IFT81: variants seen among roughly 807,000 people sequenced by gnomAD.
IFT81 encodes intraflagellar transport protein 81 homolog.
Under a neutral mutation model 102.6 loss-of-function variants are expected in IFT81, and 72 were observed. The ratio of observed to expected loss-of-function variants is 0.70; its 90% CI spans 0.58 to 0.85. The LOEUF is 0.85. Ranked by LOEUF, IFT81 falls within the 40% of genes least tolerant of loss-of-function variation. The probability of loss-of-function intolerance (pLI) is 0.00; values close to 1 mark genes in which losing one functional copy is unlikely to be tolerated. For synonymous variants in IFT81, 237 were observed against 242.7 expected (o/e 0.98, Z 0.22); for missense variants, 723 against 787.3 (o/e 0.92, Z 0.98).
At chr12:110,139,326 G>C (rs1380336036) in intron 8 of IFT81, among the ~76,000 whole-genome samples, 1 of 129,514 alleles carries the variant, frequency 7.7e-6, no homozygotes, top group African/African-American at 2.9e-5. Context: ...AACAGAGGGA[G>C]ACTCTGTCTC....
At chr12:110,161,172 A>G (rs1460085939) in intron 10 of IFT81, among the ~76,000 whole-genome samples, 6 of 129,202 alleles carry the variant, frequency 4.6e-5, no homozygotes, top group African/African-American at 1.8e-4. Context: ...ATGGAGTCTC[A>G]CTCTGTCACC....
In IFT81 at chr12:110,127,476, GC is replaced by G. The variant is rs766545076; in HGVS notation, c.97del (p.Gln33AsnfsTer34). 1 of 1,610,350 alleles carries G rather than the reference GC, an allele frequency of 6.2e-7. No individual in the cohort carries two copies. The highest frequency in any genetic ancestry group is 8.5e-7 in the Non-Finnish European group (1 of 1,178,540). ...TCACGTTTGATTCCTTGGAGCCAATGCAACTATTACAAGTTCTCAGTGATGT... is the reference window on the plus strand; with the variant it reads ...TCACGTTTGATTCCTTGGAGCCAATGAACTATTACAAGTTCTCAGTGATGT... ...LITFDSLEPM[Q>X]LLQVLSDVLA... On this transcript the variant is annotated frameshift_variant, in exon 2 of 19. Transcript: ENST00000242591. LOFTEE classifies it high-confidence loss of function.
intron 8 of IFT81, 77 bp from the exon 9 acceptor site, chr12:110,143,305 T>G: frequency 1.2e-6 from 1 of 868,848 alleles, no homozygotes; most frequent in Non-Finnish European, 1.5e-6. Flanking sequence ...TATCCAGGTC[T>G]TATATTTAAA....
intron 17 of IFT81, among the ~76,000 whole-genome samples, chr12:110,205,882 C>G (rs533105639): frequency 1.3e-5 from 2 of 152,184 alleles, no homozygotes; most frequent in South Asian, 4.1e-4. Flanking sequence ...TGCTTGCTTA[C>G]TTTTTGATTG....
intron 9 of IFT81, 134 bp downstream of exon 9, chr12:110,143,679 T>C (rs1039659067): frequency 1.6e-6 from 1 of 608,632 alleles, no homozygotes; most frequent in South Asian, 2.6e-5. Flanking sequence ...ACAACTCTTA[T>C]GAGGAATTGT....
At position 110,192,709 on chromosome 12, in the gene IFT81, A is replaced by C. The variant is rs779349001; in HGVS notation, c.1557+3A>C. The C allele has an allele frequency of 2.0e-6, 3 of 1,517,128 alleles. No individual in the cohort carries two copies. Among genetic ancestry groups the C allele is most frequent in the Non-Finnish European group, 2.7e-6 (3 of 1,109,382 alleles). 94.0% of individuals were successfully genotyped at this position (1,517,128 alleles called of 1,614,324 possible). On this transcript the variant is annotated splice_donor_region_variant and intron_variant, in intron 14 of 18. Coordinates refer to ENST00000242591, the MANE Select transcript of IFT81 (RefSeq NM_014055.4). ...GACAGTTGCGTCAAAAATATCAAGTAAGTTTTTGATTTTATCAAGTAATTT... is the reference window on the plus strand; with the variant it reads ...GACAGTTGCGTCAAAAATATCAAGTCAGTTTTTGATTTTATCAAGTAATTT...
chr12:110,210,190 C>A (rs1004380883), intron 18 of IFT81, among the ~76,000 whole-genome samples: 20 of 152,268 alleles, frequency 1.3e-4, no homozygotes, highest in African/African-American at 4.6e-4. Flanking sequence ...GGAAAGATGA[C>A]CAGTCATCAA....
intron 11 of IFT81, among the ~76,000 whole-genome samples, chr12:110,174,708 A>G (rs1262022788): frequency 6.6e-6 from 1 of 152,220 alleles, no homozygotes; most frequent in African/African-American, 2.4e-5. Context: ...ACATTCTTAG[A>G]GAAATAAACT....
intron 8 of IFT81, among the ~76,000 whole-genome samples, chr12:110,142,424 C>G (rs886659191): frequency 6.6e-6 from 1 of 152,134 alleles, no homozygotes; most frequent in Non-Finnish European, 1.5e-5. Context: ...ACCTCGGCCT[C>G]CCAAAGTGCT....
In IFT81 at chr12:110,175,808, T is replaced by TTTTA. The variant is rs200213227; in HGVS notation, c.1189-4594_1189-4591dup. ...TAGGTGTGAAAATGGTATCTCATTG[T>TTTTA]TTTATTTATTTATTTATTTATTTTT... On this transcript the variant is annotated intron_variant, in intron 11 of 18. Coordinates refer to ENST00000242591, the MANE Select transcript of IFT81 (RefSeq NM_014055.4). 9.1e-3 allele frequency among the ~76,000 whole-genome samples: 1,384 copies of TTTTA among 152,236 alleles called. 28 individuals carry two copies. The highest frequency in any genetic ancestry group is 0.032 in the African/African-American group (1,319 of 41,510).
chr12:110,138,019 A>G (rs750002664), intron 8 of IFT81, among the ~76,000 whole-genome samples: 20 of 152,256 alleles, frequency 1.3e-4, no homozygotes, highest in Admixed American at 3.3e-4. Context: ...GCATTTTACA[A>G]AGCATTTTTG....
At chr12:110,212,349 A>T (rs769075293) in intron 18 of IFT81, among the ~76,000 whole-genome samples, 3 of 151,962 alleles carry the variant, frequency 2.0e-5, no homozygotes, top group Non-Finnish European at 2.9e-5. Context: ...GTTTGAGACC[A>T]GTCTGGCCAA....
At chr12:110,202,253 C>T (rs529333842) in intron 14 of IFT81, among the ~76,000 whole-genome samples, 4 of 152,220 alleles carry the variant, frequency 2.6e-5, no homozygotes, top group African/African-American at 7.2e-5. Context: ...ATATGTGGTC[C>T]GTTGTGACTG....
At chr12:110,136,694 AC>A in intron 7 of IFT81, 81 bp from the exon 8 acceptor site, 1 of 687,224 alleles carries the variant, frequency 1.5e-6, no homozygotes, top group South Asian at 2.7e-5. Flanking sequence ...ATTATATGGA[AC>A]TTGTATTTTT....
chr12:110,147,034 C>A lies in IFT81; in HGVS notation c.1027C>A (p.Leu343Met), dbSNP rs544592519. The change falls in exon 10 of 19, where the codon CTG becomes ATG. Residue 343 changes from leucine (L) to methionine (M), a missense_variant. Physicochemically the swap from Leu to Met is conservative, Grantham distance 15 (BLOSUM62 2). Coordinates refer to ENST00000242591, the MANE Select transcript of IFT81 (RefSeq NM_014055.4). ...RNEPIEGKLS[L>M]YRQQASIISR... ...TGAGCCCATTGAAGGCAAACTCTCA[C>A]TGTATAGGCAACAGGTAAGAACATT... 3.1e-6 allele frequency: 5 copies of A among 1,609,152 alleles called. No individual in the cohort carries two copies. The highest frequency in any genetic ancestry group is 4.2e-6 in the Non-Finnish European group (5 of 1,178,072).
chr12:110,162,264 A>G (rs1466349707), intron 10 of IFT81: 2 of 150,184 alleles, frequency 1.3e-5, no homozygotes, highest in African/African-American at 2.4e-5. Context: ...GTTACCTTCT[A>G]TTGACTTGAA....
At chr12:110,158,879 C>T (rs934840738) in intron 10 of IFT81, among the ~76,000 whole-genome samples, 3 of 151,840 alleles carry the variant, frequency 2.0e-5, no homozygotes, top group African/African-American at 4.8e-5. Context: ...TGAGCCACCG[C>T]GCCCGGCCAA....
rs567791365 is a variant in IFT81 at position 110,188,035 on chromosome 12, A to G, written c.1339-2885A>G. ...TGCTACAATCTTTGCTCAGCTCTTT[A>G]ATAACCTATCTGCTCGGCCGGGCGC... On this transcript the variant is annotated intron_variant, in intron 12 of 18. Coordinates refer to ENST00000242591, the MANE Select transcript of IFT81 (RefSeq NM_014055.4). Among the ~76,000 whole-genome samples, 3 of 152,244 alleles carry G rather than the reference A, an allele frequency of 2.0e-5. No individual in the cohort carries two copies. In the East Asian group the frequency reaches 5.8e-4, roughly 29 times the overall value.
Position 110,172,282 on chromosome 12 carries a change from TTGCCTC to T in IFT81, c.1189-8115_1189-8110del, listed in dbSNP as rs1042366244. ...CTGTCTCCACTAAAAATAGAAAAAT[TTGCCTC>T]TGCCTCTGCCTCTGCCTCTGCCTCC... On this transcript the variant is annotated intron_variant, in intron 11 of 18. Coordinates refer to ENST00000242591, the MANE Select transcript of IFT81 (RefSeq NM_014055.4). 1.5e-3 allele frequency among the ~76,000 whole-genome samples: 230 copies of T among 151,774 alleles called. 1 individual carries two copies. The Middle Eastern group carries it at 0.027, about 18-fold the overall frequency.
Sources: allele counts gnomAD v4.1 joint callset (sites outside exome capture counted in the v4.1 genomes callset), GRCh38; gene constraint gnomAD v4.1.1; transcripts MANE v1.5; gene names NCBI Gene and HGNC (gene_info 2026-07-23, HGNC 2026-07-21).